The following WWOX variants were observed in gnomAD, a reference collection of about 807,000 sequenced individuals.
WWOX encodes WW domain containing oxidoreductase.
Under a neutral mutation model 46.2 loss-of-function variants are expected in WWOX, and 69 were observed. The ratio of observed to expected loss-of-function variants is 1.49; its 90% CI spans 1.23 to 1.82. The LOEUF (loss-of-function observed/expected upper bound fraction) is 1.82, where lower values mean the gene tolerates loss of function less well. WWOX is among the 40% of genes most tolerant of loss of function. The probability of loss-of-function intolerance (pLI) is 0.00; values close to 1 mark genes in which losing one functional copy is unlikely to be tolerated. For synonymous variants in WWOX, 359 were observed against 202.6 expected (o/e 1.77, Z -6.56); for missense variants, 919 against 542.6 (o/e 1.69, Z -6.89).
intron 8 of WWOX, among the ~76,000 whole-genome samples, chr16:78,631,673 T>C (rs2046435659): frequency 6.6e-6 from 1 of 151,874 alleles, no homozygotes. Context: ...CAAGTAGGGC[T>C]ACACGTGTGT....
chr16:78,776,914 C>A (rs1295457665), intron 8 of WWOX, among the ~76,000 whole-genome samples: 1 of 152,182 alleles, frequency 6.6e-6, no homozygotes, highest in Non-Finnish European at 1.5e-5. Context: ...CCAGGTCTCT[C>A]CCCTAACATG....
At chr16:78,315,005 G>C (rs1033938317) in intron 5 of WWOX, among the ~76,000 whole-genome samples, 2 of 152,092 alleles carry the variant, frequency 1.3e-5, no homozygotes, top group East Asian at 1.9e-4. Context: ...CACATGTCCT[G>C]ATACTTCCTC....
intron 5 of WWOX, among the ~76,000 whole-genome samples, chr16:78,208,528 C>G (rs2036464465): frequency 6.6e-6 from 1 of 152,082 alleles, no homozygotes; most frequent in Non-Finnish European, 1.5e-5. Flanking sequence ...TTTAGGGTGT[C>G]TTTATTAATT....
chr16:78,795,377 G>A (rs947635686), intron 8 of WWOX, among the ~76,000 whole-genome samples: 16 of 152,094 alleles, frequency 1.1e-4, no homozygotes, highest in African/African-American at 3.6e-4. Flanking sequence ...CTGTCTTCCT[G>A]GCTGTTTTGT....
chr16:78,404,473 C>G (rs1025921955), intron 6 of WWOX, among the ~76,000 whole-genome samples: 1 of 152,084 alleles, frequency 6.6e-6, no homozygotes, highest in African/African-American at 2.4e-5. Context: ...TTAAATAATG[C>G]CACCCCAACC....
chr16:78,944,193 C>T lies in WWOX; in HGVS notation c.1057-267415C>T, dbSNP rs115172362. 3.9e-3 allele frequency among the ~76,000 whole-genome samples: 598 copies of T among 152,228 alleles called. 4 individuals carry two copies. The highest frequency in any genetic ancestry group is 0.014 in the African/African-American group (576 of 41,526). On this transcript the variant is annotated intron_variant, in intron 8 of 8. Transcript: ENST00000566780. ...TTTCAAGACTCAGCACAACACATCC[C>T]ATCCTTCTGGATAATCTCTTCTACC...
At chr16:78,725,956 C>T (rs1007226765) in intron 8 of WWOX, among the ~76,000 whole-genome samples, 1 of 151,168 alleles carries the variant, frequency 6.6e-6, no homozygotes, top group Admixed American at 6.6e-5. Flanking sequence ...TTCCCTTTTC[C>T]TTTCTTTTCT....
In WWOX at chr16:78,745,894, G is replaced by A. The variant is rs182015770; in HGVS notation, c.1056+313142G>A. Among the ~76,000 whole-genome samples, 11 of 152,122 alleles carry A rather than the reference G, an allele frequency of 7.2e-5. No individual in the cohort carries two copies. The East Asian group carries it at 1.4e-3, about 19-fold the overall frequency. On this transcript the variant is annotated intron_variant, in intron 8 of 8. Transcript: ENST00000566780. The stretch of plus-strand genomic sequence containing the variant: ...CACATTGTATTTTAATACTAGGAAC[G>A]TGTGCATGCCAGAAACCTGCCAAGG...
intron 8 of WWOX, among the ~76,000 whole-genome samples, chr16:78,736,782 A>C (rs1026923010): frequency 2.0e-5 from 3 of 151,960 alleles, no homozygotes; most frequent in African/African-American, 7.2e-5. Context: ...AAATTTTTAA[A>C]AATTTTTTTA....
At chr16:78,540,087 T>G (rs1232625199) in intron 8 of WWOX, among the ~76,000 whole-genome samples, 2 of 151,374 alleles carry the variant, frequency 1.3e-5, no homozygotes, top group African/African-American at 4.8e-5. Context: ...GAGTTAACAT[T>G]CTTTTTCCAC....
intron 5 of WWOX, among the ~76,000 whole-genome samples, chr16:78,229,524 A>C (rs2037182707): frequency 6.7e-6 from 1 of 148,382 alleles, no homozygotes; most frequent in Non-Finnish European, 1.5e-5. Flanking sequence ...AGATATATAT[A>C]TATATATAAA....
chr16:78,195,433 G>A (rs776637570), intron 5 of WWOX, among the ~76,000 whole-genome samples: 2 of 152,010 alleles, frequency 1.3e-5, no homozygotes, highest in Non-Finnish European at 2.9e-5. Flanking sequence ...ATGAACTCAG[G>A]TGTCTTAAGT....
intron 8 of WWOX, among the ~76,000 whole-genome samples, chr16:78,885,901 C>T (rs1014351416): frequency 6.6e-6 from 1 of 151,520 alleles, no homozygotes; most frequent in African/African-American, 2.4e-5. Flanking sequence ...TTAATCACAT[C>T]CACGTACAGG....
intron 6 of WWOX, among the ~76,000 whole-genome samples, chr16:78,392,798 C>T (rs1383196503): frequency 3.9e-5 from 6 of 152,116 alleles, no homozygotes; most frequent in Non-Finnish European, 4.4e-5. Flanking sequence ...TTGCCAAAGC[C>T]AGTTTTCTTC....
At chr16:78,563,478 C>T (rs1039189832) in intron 8 of WWOX, among the ~76,000 whole-genome samples, 1 of 147,522 alleles carries the variant, frequency 6.8e-6, no homozygotes, top group Non-Finnish European at 1.5e-5. Flanking sequence ...GATACGGGCA[C>T]TCGTGTGGGT....
At chr16:78,768,675 C>G (rs996774262) in intron 8 of WWOX, among the ~76,000 whole-genome samples, 4 of 151,618 alleles carry the variant, frequency 2.6e-5, no homozygotes, top group East Asian at 1.9e-4. Flanking sequence ...GAAATTAACT[C>G]TGTAGATTGG....
chr16:78,272,705 A>T (rs1186830868), intron 5 of WWOX, among the ~76,000 whole-genome samples: 1 of 152,218 alleles, frequency 6.6e-6, no homozygotes, highest in African/African-American at 2.4e-5. Flanking sequence ...GGAAATGTTC[A>T]CAACGTTCCC....
In WWOX at chr16:78,867,665, C is replaced by T. The variant is rs188564441; in HGVS notation, c.1057-343943C>T. ...AAGAGAGTCTCCCACCTCAGCCTCACGAGTAGCTGGGATTTCAGGTGCCTG... is the reference window on the plus strand; with the variant it reads ...AAGAGAGTCTCCCACCTCAGCCTCATGAGTAGCTGGGATTTCAGGTGCCTG... On this transcript the variant is annotated intron_variant, in intron 8 of 8. Coordinates refer to ENST00000566780, the MANE Select transcript of WWOX (RefSeq NM_016373.4). Among the ~76,000 whole-genome samples, 974 of 152,148 alleles carry T rather than the reference C, an allele frequency of 6.4e-3. 4 individuals carry two copies. The highest frequency in any genetic ancestry group is 9.4e-3 in the Non-Finnish European group (639 of 68,018).
intron 8 of WWOX, among the ~76,000 whole-genome samples, chr16:78,958,393 C>A (rs534104500): frequency 6.6e-6 from 1 of 152,120 alleles, no homozygotes; most frequent in African/African-American, 2.4e-5. Context: ...TATATACTTA[C>A]TGTAAAAATG....
Sources: gnomAD v4.1 joint callset for allele counts (sites outside exome capture counted in the v4.1 genomes callset) on GRCh38, gnomAD v4.1.1 for gene constraint, MANE v1.5 for transcripts, NCBI Gene and HGNC (gene_info 2026-07-23, HGNC 2026-07-21) for gene names.